Variants in CAMK4 observed in about 807,000 individuals in gnomAD.
CAMK4 encodes calcium/calmodulin dependent protein kinase IV.
CAMK4 carries 22 observed loss-of-function variants against 44.9 expected under a neutral mutation model. That is an observed-to-expected ratio of 0.49 (90% CI 0.35 to 0.70). The LOEUF (loss-of-function observed/expected upper bound fraction) is 0.70. Ranked by LOEUF, CAMK4 falls within the 30% of genes least tolerant of loss-of-function variation. The pLI is 0.01. For synonymous variants in CAMK4, 218 were observed against 215.4 expected (o/e 1.01, Z -0.11); for missense variants, 498 against 586.8 (o/e 0.85, Z 1.56).
At chr5:111,237,654 C>T (rs1748789144) in intron 1 of CAMK4, among the ~76,000 whole-genome samples, 1 of 152,180 alleles carries the variant, frequency 6.6e-6, no homozygotes, top group Non-Finnish European at 1.5e-5. Context: ...GCTTCCTCTA[C>T]CCCTCTAGTT....
intron 4 of CAMK4, among the ~76,000 whole-genome samples, chr5:111,383,619 A>G (rs1751493395): frequency 8.0e-6 from 1 of 125,098 alleles, no homozygotes; most frequent in Admixed American, 8.4e-5. Flanking sequence ...AAGAGGGGAG[A>G]TAATTTTTTT....
At chr5:111,392,792 A>G (rs1022021697) in intron 4 of CAMK4, among the ~76,000 whole-genome samples, 75 of 152,284 alleles carry the variant, frequency 4.9e-4, no homozygotes, top group African/African-American at 1.7e-3. Flanking sequence ...GTGTACTTCT[A>G]GGAGACAATG....
At chr5:111,276,343 C>A (rs1042290770) in intron 1 of CAMK4, among the ~76,000 whole-genome samples, 2 of 152,160 alleles carry the variant, frequency 1.3e-5, no homozygotes, top group Non-Finnish European at 2.9e-5. Flanking sequence ...TGGCAGTGTA[C>A]CCTACTCCCC....
At chr5:111,260,597 G>C (rs578066420) in intron 1 of CAMK4, among the ~76,000 whole-genome samples, 29 of 152,158 alleles carry the variant, frequency 1.9e-4, no homozygotes, top group African/African-American at 6.7e-4. Flanking sequence ...CCTGATTTTT[G>C]AATCTGAATA....
chr5:111,260,845 A>C lies in CAMK4; in HGVS notation c.161+36201A>C, dbSNP rs551870731. Among the ~76,000 whole-genome samples the C allele has an allele frequency of 2.0e-5, 3 of 152,298 alleles. No individual in the cohort carries two copies. In the East Asian group the frequency reaches 5.8e-4, roughly 29 times the overall value. On this transcript the variant is annotated intron_variant, in intron 1 of 10. Transcript: ENST00000282356. ...AGTTATATTATTTCTGGAATAACCTAATATGTGTCCTGGTCCCTAATTTCA... is the reference window on the plus strand; with the variant it reads ...AGTTATATTATTTCTGGAATAACCTCATATGTGTCCTGGTCCCTAATTTCA...
chr5:111,288,122 A>T (rs1751311553), intron 1 of CAMK4, among the ~76,000 whole-genome samples: 1 of 152,208 alleles, frequency 6.6e-6, no homozygotes, highest in African/African-American at 2.4e-5. Flanking sequence ...TTTAAGATTT[A>T]TTCATGTTTT....
At chr5:111,459,686 C>CTTTT (rs56176713) in intron 7 of CAMK4, among the ~76,000 whole-genome samples, 31 of 86,690 alleles carry the variant, frequency 3.6e-4, no homozygotes, top group African/African-American at 1.4e-3. Context: ...TAGAGACAGT[C>CTTTT]TTTTTTTTTT....
chr5:111,250,904 C>T (rs1008945876), intron 1 of CAMK4, among the ~76,000 whole-genome samples: 1 of 152,150 alleles, frequency 6.6e-6, no homozygotes, highest in Non-Finnish European at 1.5e-5. Flanking sequence ...CAGCCTCCCA[C>T]CTCAGCCTCC....
chr5:111,465,186 C>T (rs756486553), intron 7 of CAMK4, among the ~76,000 whole-genome samples: 18 of 151,712 alleles, frequency 1.2e-4, no homozygotes, highest in South Asian at 2.1e-4. Context: ...AGGATCACTC[C>T]GGGTTGCACT....
At chr5:111,235,280 TC>T (rs1320902577) in intron 1 of CAMK4, among the ~76,000 whole-genome samples, 1 of 152,132 alleles carries the variant, frequency 6.6e-6, no homozygotes, top group East Asian at 1.9e-4. Context: ...GCTTATTCAT[TC>T]AAATAAGTCA....
At chr5:111,323,237 A>G (rs1748736842) in intron 1 of CAMK4, among the ~76,000 whole-genome samples, 1 of 152,132 alleles carries the variant, frequency 6.6e-6, no homozygotes, top group African/African-American at 2.4e-5. Context: ...GAAAATCTTA[A>G]AAGGAACCAT....
chr5:111,340,734 T>C (rs1335316125), intron 1 of CAMK4, among the ~76,000 whole-genome samples: 1 of 151,278 alleles, frequency 6.6e-6, no homozygotes, highest in Non-Finnish European at 1.5e-5. Context: ...TTTGATAGTA[T>C]TCCCTCCTCT....
chr5:111,489,389 G>C lies in CAMK4; in HGVS notation c.*4923G>C, dbSNP rs1026734035. The C allele has an allele frequency of 2.0e-5, 3 of 152,152 alleles. No individual in the cohort carries two copies. Among genetic ancestry groups the C allele is most frequent in the African/African-American group, 7.2e-5 (3 of 41,432 alleles). The allele number at this position is 152,152 out of a possible 1,614,324, so 9.4% of individuals were successfully genotyped here. A position where few individuals can be genotyped will look rare whatever the true frequency, so the allele number is the denominator to read the frequency against. On this transcript the variant is annotated 3_prime_UTR_variant, in exon 11 of 11. Transcript: ENST00000282356. ...TTATTACTCCTTGTGGCTATTACCT[G>C]AGATCAGATAATATAATCTCAGCTC...
chr5:111,256,274 T>A (rs1475586395), intron 1 of CAMK4, among the ~76,000 whole-genome samples: 1 of 152,170 alleles, frequency 6.6e-6, no homozygotes, highest in Non-Finnish European at 1.5e-5. Flanking sequence ...GGATTAGGTA[T>A]GGTGGTGCTA....
chr5:111,276,812 A>G (rs1750778943), intron 1 of CAMK4, among the ~76,000 whole-genome samples: 1 of 152,186 alleles, frequency 6.6e-6, no homozygotes, highest in East Asian at 1.9e-4. Flanking sequence ...ATTATTAAAC[A>G]TTAGAGTTGT....
intron 5 of CAMK4, 127 bp from the exon 6 acceptor site, chr5:111,446,559 C>G (rs926905156): frequency 1.6e-5 from 9 of 573,702 alleles, no homozygotes; most frequent in Non-Finnish European, 2.8e-5. Context: ...CTTTATGGTA[C>G]TTATTGTTAA....
chr5:111,224,381 C>T, upstream of CAMK4: 3 of 1,405,406 alleles, frequency 2.1e-6, no homozygotes, highest in Middle Eastern at 2.6e-4. The surrounding 1 kb of genome is among the most constrained non-coding windows in gnomAD (Gnocchi z 5.7). Flanking sequence ...AAGGACGCCG[C>T]CTCTCTCTCG....
chr5:111,301,127 A>AC (rs200204418), intron 1 of CAMK4, among the ~76,000 whole-genome samples: 4,670 of 151,446 alleles, frequency 0.031, 94 homozygotes, highest in Non-Finnish European at 0.044. Context: ...AAGACATATG[A>AC]CCCCCCTCCT....
chr5:111,447,599 C>G (rs1269787034), intron 6 of CAMK4, among the ~76,000 whole-genome samples: 1 of 152,122 alleles, frequency 6.6e-6, no homozygotes, highest in Non-Finnish European at 1.5e-5. Flanking sequence ...CAAAGCAAAT[C>G]TTCATTTCAA....
Sources: allele counts gnomAD v4.1 joint callset (sites outside exome capture counted in the v4.1 genomes callset), GRCh38; gene constraint gnomAD v4.1.1; non-coding constraint Gnocchi (gnomAD v3.1); transcripts MANE v1.5; gene names NCBI Gene and HGNC (gene_info 2026-07-23, HGNC 2026-07-21).